GSK3B: variants seen among roughly 807,000 people sequenced by gnomAD.
GSK3B encodes glycogen synthase kinase-3 beta.
In GSK3B, 15 loss-of-function variants were observed where a neutral mutation model predicts 56.4. That is an observed-to-expected ratio of 0.27 (90% CI 0.18 to 0.41). GSK3B has a LOEUF of 0.41. Among genes scored for constraint, GSK3B ranks in the 10% least tolerant of loss-of-function variants. The probability of loss-of-function intolerance (pLI) is 1.00; values close to 1 mark genes in which losing one functional copy is unlikely to be tolerated. For synonymous variants in GSK3B, 181 were observed against 188.9 expected (o/e 0.96, Z 0.34); for missense variants, 300 against 513.4 (o/e 0.58, Z 4.02).
intron 9 of GSK3B, among the ~76,000 whole-genome samples, chr3:119,847,521 G>A (rs924996078): frequency 1.3e-5 from 2 of 151,644 alleles, no homozygotes; most frequent in Non-Finnish European, 2.9e-5. Context: ...CAGTTTAACA[G>A]GGGAAAAAAA....
chr3:120,081,477 G>A (rs1371444054), intron 1 of GSK3B, among the ~76,000 whole-genome samples: 4 of 152,152 alleles, frequency 2.6e-5, no homozygotes, highest in Admixed American at 6.5e-5. Flanking sequence ...AACCCAGGAG[G>A]TGGAGGTTGC....
intron 1 of GSK3B, among the ~76,000 whole-genome samples, chr3:120,034,918 C>G (rs2058008971): frequency 1.3e-5 from 2 of 152,004 alleles, no homozygotes; most frequent in South Asian, 4.1e-4. Context: ...ATGGCAAAAC[C>G]TCACCTCTAC....
At chr3:119,984,860 A>G (rs1469322866) in intron 2 of GSK3B, among the ~76,000 whole-genome samples, 1 of 152,252 alleles carries the variant, frequency 6.6e-6, no homozygotes, top group Non-Finnish European at 1.5e-5. Context: ...TCATCCTGAT[A>G]CCAAAACCTG....
At chr3:119,948,174 C>A (rs1003153778) in intron 2 of GSK3B, among the ~76,000 whole-genome samples, 7 of 148,830 alleles carry the variant, frequency 4.7e-5, no homozygotes, top group Admixed American at 1.3e-4. Flanking sequence ...AGCTTTCTAG[C>A]CAAAAAAATA....
intron 2 of GSK3B, among the ~76,000 whole-genome samples, chr3:119,990,870 G>A (rs1156564646): frequency 6.6e-6 from 1 of 152,230 alleles, no homozygotes; most frequent in Non-Finnish European, 1.5e-5. Context: ...GGAGGTTGCA[G>A]TGAGACAAGA....
At chr3:120,062,888 C>T (rs1013188614) in intron 1 of GSK3B, among the ~76,000 whole-genome samples, 4 of 151,934 alleles carry the variant, frequency 2.6e-5, no homozygotes, top group African/African-American at 9.7e-5. Context: ...GAATATATAC[C>T]CTACTTTCTG....
At chr3:119,922,920 T>C (rs1003607374) in intron 4 of GSK3B, among the ~76,000 whole-genome samples, 3 of 152,114 alleles carry the variant, frequency 2.0e-5, no homozygotes, top group Non-Finnish European at 2.9e-5. Flanking sequence ...CAACACCCAA[T>C]GCATATTTAA....
At chr3:119,901,683 T>C (rs529480370) in intron 7 of GSK3B, among the ~76,000 whole-genome samples, 4 of 152,310 alleles carry the variant, frequency 2.6e-5, no homozygotes, top group Admixed American at 6.5e-5. Context: ...TTCAAATTCA[T>C]GAATGGACAA....
chr3:120,029,390 C>T, intron 1 of GSK3B: 1 of 768,460 alleles, frequency 1.3e-6, no homozygotes. Context: ...GTCATTTCTC[C>T]TTATTTCACA....
intron 2 of GSK3B, among the ~76,000 whole-genome samples, chr3:119,969,462 T>C (rs1475899302): frequency 2.0e-5 from 3 of 152,092 alleles, no homozygotes; most frequent in Non-Finnish European, 4.4e-5. Context: ...TCAATCAGAA[T>C]CCCAGCAAGT....
At chr3:120,013,556 T>G (rs2057797170) in intron 1 of GSK3B, among the ~76,000 whole-genome samples, 1 of 152,174 alleles carries the variant, frequency 6.6e-6, no homozygotes, top group African/African-American at 2.4e-5. Flanking sequence ...ACCTCAAGAA[T>G]GAAGTCTCCA....
chr3:119,870,756 T>C (rs2056240902), intron 8 of GSK3B, among the ~76,000 whole-genome samples: 1 of 152,192 alleles, frequency 6.6e-6, no homozygotes, highest in South Asian at 2.1e-4. Context: ...CAAGTGAGAA[T>C]GGTCTAGGTA....
intron 1 of GSK3B, among the ~76,000 whole-genome samples, chr3:120,022,235 C>T (rs776646048): frequency 6.6e-6 from 1 of 152,122 alleles, no homozygotes; most frequent in Non-Finnish European, 1.5e-5. Flanking sequence ...GATGACTATT[C>T]GCTGAAGGCT....
chr3:119,943,753 G>A (rs1019260980), intron 3 of GSK3B, among the ~76,000 whole-genome samples: 8 of 151,950 alleles, frequency 5.3e-5, no homozygotes, highest in Non-Finnish European at 1.2e-4. Flanking sequence ...AAGGAAATAA[G>A]AGAGGGAGAG....
intron 2 of GSK3B, among the ~76,000 whole-genome samples, chr3:119,976,147 C>T (rs1220272177): frequency 6.6e-6 from 1 of 152,142 alleles, no homozygotes; most frequent in Non-Finnish European, 1.5e-5. Flanking sequence ...GGTACAGCTG[C>T]TTTAGAAAAT....
chr3:120,053,030 A>G (rs2058163286), intron 1 of GSK3B, among the ~76,000 whole-genome samples: 1 of 152,148 alleles, frequency 6.6e-6, no homozygotes, highest in African/African-American at 2.4e-5. Context: ...TCTACATTCT[A>G]AGTAAAACAG....
chr3:119,830,407 T>G (rs1045358569), intron 10 of GSK3B, among the ~76,000 whole-genome samples: 1 of 152,248 alleles, frequency 6.6e-6, no homozygotes, highest in African/African-American at 2.4e-5. Flanking sequence ...AAAATGTTTA[T>G]TAATTTAAAA....
intron 1 of GSK3B, among the ~76,000 whole-genome samples, chr3:120,019,829 T>C (rs1194040298): frequency 6.6e-6 from 1 of 152,240 alleles, no homozygotes; most frequent in Non-Finnish European, 1.5e-5. Flanking sequence ...CTTAACAGTG[T>C]TCTGGTGTTA....
At chr3:120,023,848 C>T (rs2057900526) in intron 1 of GSK3B, among the ~76,000 whole-genome samples, 1 of 152,172 alleles carries the variant, frequency 6.6e-6, no homozygotes, top group East Asian at 1.9e-4. Flanking sequence ...GATGATGCAG[C>T]ACCTTCCTGA....
Sources: allele counts gnomAD v4.1 joint callset (sites outside exome capture counted in the v4.1 genomes callset), GRCh38; gene constraint gnomAD v4.1.1; transcripts MANE v1.5; gene names NCBI Gene and HGNC (gene_info 2026-07-23, HGNC 2026-07-21).